PDE1A: variants seen among roughly 807,000 people sequenced by gnomAD.
The protein encoded by PDE1A is phosphodiesterase 1A, also known as dual specificity calcium/calmodulin-dependent 3',5'-cyclic nucleotide phosphodiesterase 1A.
In PDE1A, 35 loss-of-function variants were observed where a neutral mutation model predicts 61.7. The ratio of observed to expected loss-of-function variants is 0.57; its 90% CI spans 0.43 to 0.75. PDE1A has a LOEUF of 0.75. Among genes scored for constraint, PDE1A ranks in the 30% least tolerant of loss-of-function variants. The pLI, the probability that PDE1A is intolerant of heterozygous loss-of-function variation, is 0.00. For synonymous variants in PDE1A, 232 were observed against 213.2 expected, an observed-to-expected ratio of 1.09 and a Z score of -0.77; for missense variants, 597 against 630.6, an observed-to-expected ratio of 0.95 and a Z score of 0.57.
At chr2:182,561,918 C>A in the PDE1A span, among the ~76,000 whole-genome samples, 1 of 152,096 alleles carries the variant, frequency 6.6e-6, no homozygotes, top group African/African-American at 2.4e-5. Context: ...TATCCTGAGA[C>A]TTTGCTGAAG....
intron 7 of PDE1A, among the ~76,000 whole-genome samples, chr2:182,221,599 T>G (rs1312186128): frequency 6.6e-6 from 1 of 152,044 alleles, no homozygotes; most frequent in Non-Finnish European, 1.5e-5. Flanking sequence ...CCCTGGGGTT[T>G]CCTCCATTCC....
the PDE1A span, among the ~76,000 whole-genome samples, chr2:182,651,808 G>A: frequency 2.0e-5 from 3 of 152,028 alleles, no homozygotes; most frequent in Non-Finnish European, 2.9e-5. Context: ...AAATGTCTTC[G>A]CCCCACTTAA....
the PDE1A span, among the ~76,000 whole-genome samples, chr2:182,619,981 GTAGAATC>G: frequency 2.0e-5 from 3 of 152,150 alleles, no homozygotes; most frequent in South Asian, 6.2e-4. Flanking sequence ...ATCCATAAGG[GTAGAATC>G]TTTGTGGCCT....
At chr2:182,638,665 T>C in the PDE1A span, among the ~76,000 whole-genome samples, 100 of 152,278 alleles carry the variant, frequency 6.6e-4, no homozygotes, top group East Asian at 0.019. Context: ...TTAGATATAA[T>C]CTGCATAAAA....
At chr2:182,500,299 T>C (rs186187318) in intron 2 of PDE1A, among the ~76,000 whole-genome samples, 1 of 152,146 alleles carries the variant, frequency 6.6e-6, no homozygotes, top group Non-Finnish European at 1.5e-5. Flanking sequence ...GAAGTGGTCA[T>C]AGAACTACAT....
intron 1 of PDE1A, among the ~76,000 whole-genome samples, chr2:182,377,129 G>A (rs548035622): frequency 6.6e-6 from 1 of 152,236 alleles, no homozygotes; most frequent in Non-Finnish European, 1.5e-5. Flanking sequence ...ACATGCTTTG[G>A]ATATTTGTCC....
the PDE1A span, among the ~76,000 whole-genome samples, chr2:182,598,571 A>C: frequency 3.3e-5 from 5 of 151,780 alleles, no homozygotes; most frequent in East Asian, 1.9e-4. Flanking sequence ...TCAAAAAAAA[A>C]AAAAACAAAA....
intron 1 of PDE1A, among the ~76,000 whole-genome samples, chr2:182,405,378 G>T (rs1702243907): frequency 1.3e-5 from 2 of 152,126 alleles, no homozygotes; most frequent in Non-Finnish European, 2.9e-5. Context: ...TACTGCATGG[G>T]GCCCCCAGGG....
the PDE1A span, among the ~76,000 whole-genome samples, chr2:182,657,158 G>A: frequency 1.3e-5 from 2 of 152,160 alleles, no homozygotes; most frequent in African/African-American, 2.4e-5. Flanking sequence ...GGGAGGTGGA[G>A]GTTGCAGTGA....
At chr2:182,450,260 C>A (rs1254088959) in intron 2 of PDE1A, among the ~76,000 whole-genome samples, 4 of 151,938 alleles carry the variant, frequency 2.6e-5, no homozygotes, top group Non-Finnish European at 2.9e-5. Context: ...AAGGCTGTGA[C>A]ACCAACAAAA....
chr2:182,611,835 T>C, the PDE1A span, among the ~76,000 whole-genome samples: 1 of 152,124 alleles, frequency 6.6e-6, no homozygotes, highest in Non-Finnish European at 1.5e-5. Context: ...TATTTGAAAC[T>C]GATGACCGGC....
chr2:182,433,041 C>A (rs1704035470), intron 2 of PDE1A, among the ~76,000 whole-genome samples: 1 of 152,066 alleles, frequency 6.6e-6, no homozygotes, highest in African/African-American at 2.4e-5. Flanking sequence ...GGCTATTAAA[C>A]CTTTGGCATC....
rs541607992 is a variant in PDE1A at position 182,407,355 on chromosome 2, T to G, written c.53+19223A>C. ...TTTGAGTTTAAGTACAGTTTTTGCA[T>G]TCTTTCCTTCAACATACTTTATTAT... is the stretch of plus-strand genomic sequence containing the variant. On this transcript the variant is annotated intron_variant, in intron 1 of 13. Coordinates refer to ENST00000351439, the Ensembl canonical transcript of PDE1A. Among the ~76,000 whole-genome samples, 4 of 152,138 alleles carry G rather than the reference T, an allele frequency of 2.6e-5. No individual in the cohort carries two copies. In the South Asian group the frequency reaches 8.3e-4, roughly 32 times the overall value.
At chr2:182,579,393 C>T in the PDE1A span, among the ~76,000 whole-genome samples, 1 of 152,196 alleles carries the variant, frequency 6.6e-6, no homozygotes, top group Non-Finnish European at 1.5e-5. Flanking sequence ...GCATATAATA[C>T]ATGGACAATA....
At chr2:182,370,622 G>T (rs917159663) in intron 1 of PDE1A, among the ~76,000 whole-genome samples, 1 of 152,184 alleles carries the variant, frequency 6.6e-6, no homozygotes, top group African/African-American at 2.4e-5. Flanking sequence ...TTGCTGGTGA[G>T]ACTGCTGTTA....
the PDE1A span, among the ~76,000 whole-genome samples, chr2:182,579,145 G>A: frequency 6.6e-6 from 1 of 152,218 alleles, no homozygotes; most frequent in East Asian, 1.9e-4. Flanking sequence ...CAGGAAAACA[G>A]TGAGCTTAAT....
At chr2:182,204,315 A>T (rs1355020079) in intron 8 of PDE1A, among the ~76,000 whole-genome samples, 1 of 152,204 alleles carries the variant, frequency 6.6e-6, no homozygotes, top group Non-Finnish European at 1.5e-5. Context: ...TCTCTTTAAA[A>T]TTATTTCACA....
At position 182,267,853 on chromosome 2, in the gene PDE1A, G is replaced by C. The variant is rs566437025; in HGVS notation, c.54-3439C>G. 1.3e-5 allele frequency among the ~76,000 whole-genome samples: 2 copies of C among 151,864 alleles called. 1 individual carries two copies. Among genetic ancestry groups the C allele is most frequent in the African/African-American group, 4.8e-5 (2 of 41,440 alleles). The stretch of plus-strand genomic sequence containing the variant: ...AATGATTGTATGTTCTGTACTGGTG[G>C]GTTCCAAAGTGTTAAGGCTTTATTG... On this transcript the variant is annotated intron_variant, in intron 1 of 13. Transcript: ENST00000351439.
At chr2:182,387,487 G>A (rs1446299552) in intron 1 of PDE1A, among the ~76,000 whole-genome samples, 1 of 152,106 alleles carries the variant, frequency 6.6e-6, no homozygotes, top group Non-Finnish European at 1.5e-5. Context: ...GTTGGGTGTG[G>A]TGGCTCACGC....
Sources: gnomAD v4.1 joint callset for allele counts (sites outside exome capture counted in the v4.1 genomes callset) on GRCh38, gnomAD v4.1.1 for gene constraint, MANE v1.5 for transcripts, NCBI Gene and HGNC (gene_info 2026-07-23, HGNC 2026-07-21) for gene names.